The following SYN3 variants were observed in gnomAD, a reference collection of about 807,000 sequenced individuals.
SYN3 encodes the protein synapsin III, also known as synapsin-3.
SYN3 carries 35 observed loss-of-function variants against 65.8 expected under a neutral mutation model. That is an observed-to-expected ratio of 0.53 (90% CI 0.41 to 0.70). The LOEUF (loss-of-function observed/expected upper bound fraction) is 0.70. Ranked by LOEUF, SYN3 falls within the 30% of genes least tolerant of loss-of-function variation. The pLI is 0.00. For synonymous variants in SYN3, 270 were observed against 292.9 expected (o/e 0.92, Z 0.80); for missense variants, 680 against 749.0 (o/e 0.91, Z 1.08).
intron 6 of SYN3, among the ~76,000 whole-genome samples, chr22:32,640,425 T>C (rs2059879149): frequency 6.6e-6 from 1 of 152,184 alleles, no homozygotes. Context: ...CCTTGAGAGA[T>C]GACTTTAAGC....
chr22:33,020,911 T>C (rs1185306539), intron 1 of SYN3, among the ~76,000 whole-genome samples: 1 of 152,238 alleles, frequency 6.6e-6, no homozygotes, highest in Non-Finnish European at 1.5e-5. Flanking sequence ...CTCAGTTTTC[T>C]TATCTGCAAA....
chr22:32,521,497 T>G (rs1192842966), intron 12 of SYN3, among the ~76,000 whole-genome samples: 3 of 139,854 alleles, frequency 2.1e-5, no homozygotes, highest in Non-Finnish European at 4.5e-5. Context: ...CGGGCTAGAG[T>G]GCAGTGGCGC....
intron 6 of SYN3, among the ~76,000 whole-genome samples, chr22:32,660,503 T>A (rs2060202295): frequency 1.3e-5 from 2 of 152,294 alleles, no homozygotes; most frequent in African/African-American, 4.8e-5. Context: ...AAGAGACCAC[T>A]TCCTCTCTAA....
chr22:32,637,558 G>A (rs1468776361), intron 6 of SYN3, among the ~76,000 whole-genome samples: 1 of 151,756 alleles, frequency 6.6e-6, no homozygotes, highest in Non-Finnish European at 1.5e-5. Context: ...CTGGGATGTT[G>A]GGATATGAAT....
chr22:32,719,931 G>A (rs1209987181), intron 6 of SYN3, among the ~76,000 whole-genome samples: 1 of 152,202 alleles, frequency 6.6e-6, no homozygotes, highest in African/African-American at 2.4e-5. Flanking sequence ...GGGAAGGGGG[G>A]ACAAGGGGAC....
chr22:32,695,326 A>G (rs141871942), intron 6 of SYN3, among the ~76,000 whole-genome samples: 2 of 152,186 alleles, frequency 1.3e-5, no homozygotes, highest in Admixed American at 1.3e-4. Flanking sequence ...CTCCTCTGTA[A>G]TGGCTTTCAT....
intron 6 of SYN3, among the ~76,000 whole-genome samples, chr22:32,608,615 T>C (rs2059400094): frequency 6.6e-6 from 1 of 152,248 alleles, no homozygotes; most frequent in Admixed American, 6.5e-5. Context: ...AGAGAAACTA[T>C]TTGTGCAGTG....
At chr22:32,730,145 TAGACAAGGACATTGGCTA>T (rs1335022284) in intron 6 of SYN3, among the ~76,000 whole-genome samples, 1 of 152,204 alleles carries the variant, frequency 6.6e-6, no homozygotes, top group Non-Finnish European at 1.5e-5. Context: ...CTACCGCCCT[TAGACAAGGACATTGGCTA>T]AGACAAAGAA....
chr22:33,015,835 ATTTTC>A (rs1400664953), intron 1 of SYN3, among the ~76,000 whole-genome samples: 2 of 134,882 alleles, frequency 1.5e-5, no homozygotes, highest in African/African-American at 5.5e-5. Context: ...TAATAGGCAA[ATTTTC>A]TTTTCTTTTT....
intron 3 of SYN3, among the ~76,000 whole-genome samples, chr22:32,937,901 A>G (rs2146734394): frequency 6.6e-6 from 1 of 152,352 alleles, no homozygotes; most frequent in East Asian, 1.9e-4. Flanking sequence ...ATAATATTAA[A>G]TAGTCTAATA....
rs1200903723 is a variant in SYN3 at position 32,730,012 on chromosome 22, G to A, written c.712-133276C>T. Reference sequence around the variant, plus strand: ...ATACTACTACTAATGCTCACGAGATGGATGACAATGATAAAGGCTTAGATT... The same window carrying A: ...ATACTACTACTAATGCTCACGAGATAGATGACAATGATAAAGGCTTAGATT... On this transcript the variant is annotated intron_variant, in intron 6 of 13. Transcript: ENST00000358763. Among the ~76,000 whole-genome samples the A allele has an allele frequency of 3.9e-5, 6 of 152,140 alleles. No individual in the cohort carries two copies. In the South Asian group the frequency reaches 6.2e-4, roughly 16 times the overall value.
chr22:32,807,311 T>C (rs1601403712), intron 6 of SYN3, among the ~76,000 whole-genome samples: 1 of 121,968 alleles, frequency 8.2e-6, no homozygotes, highest in South Asian at 2.4e-4. Context: ...TATATAAATA[T>C]ATAATATATA....
chr22:32,830,919 G>T (rs2047554742), intron 6 of SYN3, among the ~76,000 whole-genome samples: 1 of 152,170 alleles, frequency 6.6e-6, no homozygotes, highest in Non-Finnish European at 1.5e-5. Context: ...CCTGGATGGG[G>T]TTTTGTTTTT....
intron 7 of SYN3, among the ~76,000 whole-genome samples, chr22:32,586,392 T>C (rs1191078750): frequency 6.6e-6 from 1 of 152,194 alleles, no homozygotes; most frequent in Non-Finnish European, 1.5e-5. Context: ...ATATATATTG[T>C]TGATTCATTG....
chr22:32,933,404 G>A (rs901014942), intron 3 of SYN3, among the ~76,000 whole-genome samples: 4 of 152,074 alleles, frequency 2.6e-5, no homozygotes, highest in African/African-American at 7.2e-5. Context: ...AAACCCAGGC[G>A]GTGTGGCACC....
chr22:32,997,521 T>A (rs553418092), intron 2 of SYN3, among the ~76,000 whole-genome samples: 183 of 152,230 alleles, frequency 1.2e-3, no homozygotes, highest in African/African-American at 4.1e-3. Context: ...AGCAGGTGCA[T>A]GGTTTCTCCA....
chr22:32,838,781 T>A (rs1327166391), intron 6 of SYN3, among the ~76,000 whole-genome samples: 1 of 152,014 alleles, frequency 6.6e-6, no homozygotes, highest in African/African-American at 2.4e-5. Context: ...GTATTACCTT[T>A]GGTTCCCTCC....
intron 1 of SYN3, among the ~76,000 whole-genome samples, chr22:33,040,894 C>CT (rs1489736677): frequency 1.3e-5 from 2 of 152,048 alleles, no homozygotes; most frequent in African/African-American, 4.8e-5. Context: ...AACCTCTTTC[C>CT]TTTATAAATT....
intron 6 of SYN3, among the ~76,000 whole-genome samples, chr22:32,737,363 C>T (rs534304896): frequency 3.3e-5 from 5 of 152,000 alleles, no homozygotes; most frequent in East Asian, 1.9e-4. Flanking sequence ...ATGTGCACAA[C>T]GTGCAGGTTA....
Sources: gnomAD v4.1 joint callset for allele counts (sites outside exome capture counted in the v4.1 genomes callset) on GRCh38, gnomAD v4.1.1 for gene constraint, MANE v1.5 for transcripts, NCBI Gene and HGNC (gene_info 2026-07-23, HGNC 2026-07-21) for gene names.